Variants in KCNH7 observed in about 807,000 individuals in gnomAD.
The protein encoded by KCNH7 is potassium voltage-gated channel subfamily H member 7, also known as voltage-gated inwardly rectifying potassium channel KCNH7.
In KCNH7, 49 loss-of-function variants were observed where a neutral mutation model predicts 120.8. The observed-to-expected ratio is 0.41, with a 90% CI of 0.32 to 0.51. The LOEUF (loss-of-function observed/expected upper bound fraction) is 0.51, where lower values mean the gene tolerates loss of function less well. Among genes scored for constraint, KCNH7 ranks in the 20% least tolerant of loss-of-function variants. KCNH7 has a pLI of 0.38. For missense variants in KCNH7, 1,097 were observed against 1,446.6 expected (o/e 0.76, Z 3.92); for synonymous variants, 547 against 516.1 (o/e 1.06, Z -0.81).
At chr2:162,627,195 TG>T (rs1683591182) in intron 2 of KCNH7, among the ~76,000 whole-genome samples, 1 of 152,162 alleles carries the variant, frequency 6.6e-6, no homozygotes, top group Non-Finnish European at 1.5e-5. Context: ...GTGCACTGCA[TG>T]CTAGATTTAC....
intron 6 of KCNH7, among the ~76,000 whole-genome samples, chr2:162,471,089 C>A (rs1171498580): frequency 6.6e-6 from 1 of 152,066 alleles, no homozygotes; most frequent in African/African-American, 2.4e-5. Flanking sequence ...ATCTCAAGTA[C>A]CCAGGGACAC....
At chr2:162,452,794 G>T (rs1182957426) in intron 6 of KCNH7, among the ~76,000 whole-genome samples, 1 of 151,860 alleles carries the variant, frequency 6.6e-6, no homozygotes, top group East Asian at 1.9e-4. Context: ...GTATATTTTT[G>T]CATTTTTCTC....
chr2:162,470,272 G>A (rs1419908487), intron 6 of KCNH7, among the ~76,000 whole-genome samples: 6 of 151,678 alleles, frequency 4.0e-5, no homozygotes, highest in Non-Finnish European at 8.8e-5. Flanking sequence ...GAGCGTCTCT[G>A]CCCGCCCGCC....
intron 2 of KCNH7, among the ~76,000 whole-genome samples, chr2:162,673,999 A>G (rs1464521445): frequency 6.6e-6 from 1 of 151,964 alleles, no homozygotes; most frequent in East Asian, 1.9e-4. Context: ...TAAAGATTGG[A>G]AACAAGAAAA....
chr2:162,467,334 A>C lies in KCNH7; in HGVS notation c.1129-20891T>G, dbSNP rs192972476. 1.1e-3 allele frequency among the ~76,000 whole-genome samples: 175 copies of C among 152,330 alleles called. 2 individuals carry two copies. The highest frequency in any genetic ancestry group is 4.0e-3 in the African/African-American group (167 of 41,580). On this transcript the variant is annotated intron_variant, in intron 6 of 15. Coordinates refer to ENST00000332142, the MANE Select transcript of KCNH7 (RefSeq NM_033272.4). The stretch of plus-strand genomic sequence containing the variant: ...TTCTTGTTTAAATTTGATCCCCAAC[A>C]TTGGAGCTGAAGCCTAATAGGAGGT...
At chr2:162,413,327 A>G (rs1415488869) in intron 9 of KCNH7, among the ~76,000 whole-genome samples, 1 of 152,026 alleles carries the variant, frequency 6.6e-6, no homozygotes, top group Non-Finnish European at 1.5e-5. Flanking sequence ...GGGTTTCACC[A>G]CGTTGGCCAG....
At chr2:162,705,038 G>A (rs1327113865) in intron 2 of KCNH7, among the ~76,000 whole-genome samples, 1 of 152,038 alleles carries the variant, frequency 6.6e-6, no homozygotes, top group Non-Finnish European at 1.5e-5. Context: ...CATAATTCAT[G>A]TCTATTATCT....
intron 2 of KCNH7, among the ~76,000 whole-genome samples, chr2:162,575,625 C>G (rs914138615): frequency 8.5e-5 from 13 of 152,086 alleles, no homozygotes; most frequent in Non-Finnish European, 1.8e-4. Flanking sequence ...CCAGCACCAA[C>G]AGCTGCACTT....
intron 6 of KCNH7, among the ~76,000 whole-genome samples, chr2:162,490,315 A>T (rs1251168520): frequency 6.6e-6 from 1 of 152,248 alleles, no homozygotes; most frequent in Non-Finnish European, 1.5e-5. Context: ...AGATATATAG[A>T]AGCCCTTGTA....
chr2:162,695,327 G>GT (rs1399319805), intron 2 of KCNH7, among the ~76,000 whole-genome samples: 2 of 152,094 alleles, frequency 1.3e-5, no homozygotes, highest in Non-Finnish European at 2.9e-5. Context: ...TTTAGGGAGG[G>GT]TGGTGATGGT....
intron 6 of KCNH7, among the ~76,000 whole-genome samples, chr2:162,482,286 T>C (rs1689955015): frequency 1.3e-5 from 2 of 152,138 alleles, no homozygotes; most frequent in African/African-American, 4.8e-5. Flanking sequence ...CCAAGGCTTG[T>C]TATGAGTAGG....
intron 2 of KCNH7, among the ~76,000 whole-genome samples, chr2:162,825,979 C>G (rs983328752): frequency 2.0e-5 from 3 of 149,620 alleles, no homozygotes; most frequent in African/African-American, 7.3e-5. Flanking sequence ...TCTGTATTTT[C>G]TAATGTTTCA....
chr2:162,696,018 T>C (rs567992155), intron 2 of KCNH7, among the ~76,000 whole-genome samples: 5 of 152,192 alleles, frequency 3.3e-5, no homozygotes, highest in Non-Finnish European at 7.3e-5. Context: ...AGAAATATTG[T>C]TTGCATAAGC....
At chr2:162,702,376 T>C (rs1352720617) in intron 2 of KCNH7, among the ~76,000 whole-genome samples, 2 of 152,148 alleles carry the variant, frequency 1.3e-5, no homozygotes, top group African/African-American at 2.4e-5. Flanking sequence ...ATGATATCAA[T>C]ATGTTCTGTC....
chr2:162,738,067 CAAAAAAAA>C (rs58433565), intron 2 of KCNH7, among the ~76,000 whole-genome samples: 8 of 56,032 alleles, frequency 1.4e-4, no homozygotes, highest in African/African-American at 2.1e-4. Context: ...GACTTCATAT[CAAAAAAAA>C]AAAAAAAAAA....
At chr2:162,717,335 G>T (rs1229615308) in intron 2 of KCNH7, among the ~76,000 whole-genome samples, 1 of 152,018 alleles carries the variant, frequency 6.6e-6, no homozygotes. Context: ...GAGAGGTTAG[G>T]TAAATTGTAT....
At chr2:162,663,479 T>C (rs1163166618) in intron 2 of KCNH7, among the ~76,000 whole-genome samples, 1 of 152,192 alleles carries the variant, frequency 6.6e-6, no homozygotes, top group African/African-American at 2.4e-5. Flanking sequence ...CCTCTTACAG[T>C]AACACATGAT....
intron 2 of KCNH7, among the ~76,000 whole-genome samples, chr2:162,769,915 G>C (rs906257092): frequency 6.6e-6 from 1 of 152,008 alleles, no homozygotes; most frequent in Non-Finnish European, 1.5e-5. Flanking sequence ...TTGAACATAG[G>C]TGTATAATCA....
chr2:162,439,220 C>T (rs1300499416), intron 7 of KCNH7, among the ~76,000 whole-genome samples: 4 of 151,688 alleles, frequency 2.6e-5, no homozygotes, highest in African/African-American at 7.3e-5. Context: ...GAGTAAAAAA[C>T]TGTCTCTTAG....
Sources: allele counts gnomAD v4.1 joint callset (sites outside exome capture counted in the v4.1 genomes callset), GRCh38; gene constraint gnomAD v4.1.1; transcripts MANE v1.5; gene names NCBI Gene and HGNC (gene_info 2026-07-23, HGNC 2026-07-21).